Variants in CCND3 observed in about 807,000 individuals in gnomAD.
CCND3 encodes cyclin D3.
A neutral mutation model predicts 28.7 loss-of-function variants in CCND3; 9 were observed. The ratio of observed to expected loss-of-function variants is 0.31; its 90% CI spans 0.19 to 0.55. The LOEUF is 0.55. Ranked by LOEUF, CCND3 falls within the 20% of genes least tolerant of loss-of-function variation. The pLI is 0.93. For missense variants in CCND3, 315 were observed against 385.8 expected, an observed-to-expected ratio of 0.82 and a Z score of 1.54; for synonymous variants, 164 against 163.9, an observed-to-expected ratio of 1.00 and a Z score of 0.00.
At chr6:41,964,932 AG>A (rs1244877372) in intron 1 of CCND3, among the ~76,000 whole-genome samples, 1 of 151,876 alleles carries the variant, frequency 6.6e-6, no homozygotes, top group Non-Finnish European at 1.5e-5. Flanking sequence ...TTGGTAGTGG[AG>A]GGATAGTCCA....
At chr6:41,952,973 CAAAT>C (rs1776349691) in intron 1 of CCND3, among the ~76,000 whole-genome samples, 1 of 152,044 alleles carries the variant, frequency 6.6e-6, no homozygotes, top group Non-Finnish European at 1.5e-5. Flanking sequence ...TGATGGAAGA[CAAAT>C]AAAACTGCAA....
intron 1 of CCND3, among the ~76,000 whole-genome samples, chr6:42,006,232 ATCATC>A (rs1429505664): frequency 2.6e-5 from 4 of 151,794 alleles, no homozygotes; most frequent in African/African-American, 7.3e-5. Context: ...AAAAACTCAC[ATCATC>A]TCATCTCAAT....
At position 41,957,563 on chromosome 6, in the gene CCND3, C is replaced by T. The variant is rs937702644; in HGVS notation, c.-45-16978G>A. On this transcript the variant is annotated intron_variant, in intron 1 of 4. Transcript: ENST00000372988. ...CAGAAGGATCAATGTCGCTTAAGGG[C>T]ACGCATCCACTTAATGGTTGTTGTA... Among the ~76,000 whole-genome samples the T allele has an allele frequency of 2.0e-5, 3 of 152,204 alleles. No individual in the cohort carries two copies. In the South Asian group the frequency reaches 6.2e-4, roughly 31 times the overall value.
At chr6:41,995,752 G>A (rs934952074) in intron 1 of CCND3, among the ~76,000 whole-genome samples, 1 of 151,848 alleles carries the variant, frequency 6.6e-6, no homozygotes, top group Non-Finnish European at 1.5e-5. Context: ...AAACACACGA[G>A]AGATAAAAAT....
chr6:42,021,337 C>T (rs542769096), intron 1 of CCND3, among the ~76,000 whole-genome samples: 1 of 152,304 alleles, frequency 6.6e-6, no homozygotes, highest in African/African-American at 2.4e-5. Context: ...TAGTATTTGC[C>T]ACCTTCTGTT....
chr6:42,045,497 G>A (rs1764513856), intron 1 of CCND3, among the ~76,000 whole-genome samples: 1 of 152,212 alleles, frequency 6.6e-6, no homozygotes, highest in African/African-American at 2.4e-5. Context: ...GCTCCTAAGT[G>A]GCAATTACAG....
chr6:41,993,925 TAAAAA>T (rs201027925), intron 1 of CCND3, among the ~76,000 whole-genome samples: 1 of 121,238 alleles, frequency 8.2e-6, no homozygotes, highest in African/African-American at 3.2e-5. Context: ...ACTCTTGTCT[TAAAAA>T]AAAAAAAAAA....
chr6:41,957,947 A>T (rs774108933), intron 1 of CCND3, among the ~76,000 whole-genome samples: 25 of 151,460 alleles, frequency 1.7e-4, no homozygotes, highest in Non-Finnish European at 3.2e-4. Context: ...GGCTTCCCAA[A>T]GTGCTGGGAT....
intron 1 of CCND3, among the ~76,000 whole-genome samples, chr6:41,993,219 G>C (rs1020823622): frequency 6.6e-6 from 1 of 152,056 alleles, no homozygotes; most frequent in African/African-American, 2.4e-5. Context: ...ACAGTTTTTT[G>C]AGGAAACTCC....
chr6:42,031,956 A>AT (rs1764059427), intron 1 of CCND3, among the ~76,000 whole-genome samples: 1 of 150,810 alleles, frequency 6.6e-6, no homozygotes, highest in African/African-American at 2.4e-5. Flanking sequence ...CACCGGTCTA[A>AT]TTTTTTGTAT....
chr6:41,955,611 A>C (rs1312362055), intron 1 of CCND3, among the ~76,000 whole-genome samples: 1 of 151,690 alleles, frequency 6.6e-6, no homozygotes, highest in Admixed American at 6.6e-5. Flanking sequence ...TGACACATTA[A>C]AAGTAAACCA....
intron 1 of CCND3, among the ~76,000 whole-genome samples, chr6:42,007,034 C>T (rs1413976462): frequency 6.6e-6 from 1 of 152,038 alleles, no homozygotes; most frequent in African/African-American, 2.4e-5. Context: ...TAACTGGTGA[C>T]ATATTTCTCA....
At chr6:41,952,902 T>TAGCAGA (rs1776348145) in intron 1 of CCND3, among the ~76,000 whole-genome samples, 2 of 151,992 alleles carry the variant, frequency 1.3e-5, no homozygotes, top group African/African-American at 4.8e-5. Flanking sequence ...ACATAGACAA[T>TAGCAGA]AGCAGAAGGG....
At chr6:42,005,114 T>C (rs1355202206) in intron 1 of CCND3, among the ~76,000 whole-genome samples, 1 of 152,208 alleles carries the variant, frequency 6.6e-6, no homozygotes, top group East Asian at 1.9e-4. Flanking sequence ...AATTAAAGGT[T>C]AATGTCACTA....
rs1361239975 is a variant in CCND3, at chr6:42,048,936, G to A, written c.-481C>T. The A allele has an allele frequency of 4.4e-6, 1 of 227,000 alleles. No individual in the cohort carries two copies. Among genetic ancestry groups the A allele is most frequent in the Non-Finnish European group, 8.6e-6 (1 of 115,982 alleles). The allele number at this position is 227,000 out of a possible 1,614,324, so 14.1% of individuals were successfully genotyped here. ...ACGGAGGCTCAGGTGTGGGCGGCGG[G>A]GCCGGGGCAGCACGGGTTCCCGGAC... On this transcript the variant is annotated 5_prime_UTR_variant, in exon 1 of 5. Transcript: ENST00000372988. The surrounding 1 kb of genome is among the most constrained non-coding windows in gnomAD (Gnocchi z 4.7).
rs181895501 is a variant in CCND3, at chr6:41,988,635, C to G, written c.-45-48050G>C. Among the ~76,000 whole-genome samples the G allele has an allele frequency of 1.6e-4, 24 of 150,896 alleles. No individual in the cohort carries two copies. The East Asian group carries it at 4.5e-3, about 28-fold the overall frequency. ...GGCCTCTTGGCCTCATGGGGGATGGCTTTTTAGATATAATGCCAAAGGCAT... is the reference window on the plus strand; with the variant it reads ...GGCCTCTTGGCCTCATGGGGGATGGGTTTTTAGATATAATGCCAAAGGCAT... On this transcript the variant is annotated intron_variant, in intron 1 of 4. Transcript: ENST00000372988.
At chr6:42,000,077 T>C (rs1434282852) in intron 1 of CCND3, among the ~76,000 whole-genome samples, 1 of 151,496 alleles carries the variant, frequency 6.6e-6, no homozygotes, top group Non-Finnish European at 1.5e-5. Flanking sequence ...TATTGGAGAA[T>C]ACACATTCTT....
intron 1 of CCND3, among the ~76,000 whole-genome samples, chr6:41,993,429 T>TTTTTTTG (rs1762711863): frequency 8.3e-6 from 1 of 119,832 alleles, no homozygotes; most frequent in African/African-American, 3.0e-5. Flanking sequence ...TTTTTTTTTT[T>TTTTTTTG]GAGATGGAGT....
intron 1 of CCND3, among the ~76,000 whole-genome samples, chr6:42,038,024 C>T (rs895181752): frequency 3.5e-5 from 3 of 85,074 alleles, no homozygotes; most frequent in East Asian, 2.9e-4. Flanking sequence ...GAGTGAGACT[C>T]GGTCTCAAAA....
Sources: allele counts gnomAD v4.1 joint callset (sites outside exome capture counted in the v4.1 genomes callset), GRCh38; gene constraint gnomAD v4.1.1; non-coding constraint Gnocchi (gnomAD v3.1); transcripts MANE v1.5; gene names NCBI Gene and HGNC (gene_info 2026-07-23, HGNC 2026-07-21).